Variants in IGF2BP2 observed in about 807,000 individuals in gnomAD.
IGF2BP2 encodes the protein insulin like growth factor 2 mRNA binding protein 2.
IGF2BP2 carries 17 observed loss-of-function variants against 75.8 expected under a neutral mutation model. That is an observed-to-expected ratio of 0.22 (90% CI 0.15 to 0.34). The LOEUF (loss-of-function observed/expected upper bound fraction) is 0.34. Among genes scored for constraint, IGF2BP2 ranks in the 10% least tolerant of loss-of-function variants. The pLI, the probability that IGF2BP2 is intolerant of heterozygous loss-of-function variation, is 1.00. For synonymous variants in IGF2BP2, 288 were observed against 295.6 expected (o/e 0.97, Z 0.26); for missense variants, 516 against 772.4 (o/e 0.67, Z 3.93).
intron 2 of IGF2BP2, among the ~76,000 whole-genome samples, chr3:185,752,097 T>C (rs188150234): frequency 2.0e-5 from 3 of 152,352 alleles, no homozygotes; most frequent in East Asian, 1.9e-4. Context: ...AGTCTTTATA[T>C]ATTCTTCTAC....
rs1351624304 is a variant in IGF2BP2 at position 185,675,791 on chromosome 3, G to A, written c.935C>T (p.Ser312Phe). The change falls in exon 8 of 16, where the codon TCT becomes TTT. Residue 312 changes from serine to phenylalanine, a missense_variant and splice_region_variant. Coordinates refer to ENST00000382199, the MANE Select transcript of IGF2BP2 (RefSeq NM_006548.6). ...HETGTKITIS[S>F]LQDLSIYNPE... ...TGAGTAATCTGAGTAAGTGGCTTACGATGAGATTGTTATCTTGGTCCCTGT... is the reference window on the plus strand; with the variant it reads ...TGAGTAATCTGAGTAAGTGGCTTACAATGAGATTGTTATCTTGGTCCCTGT... The A allele has an allele frequency of 5.0e-6, 8 of 1,612,148 alleles. No homozygotes were observed. The highest frequency in any genetic ancestry group is 1.1e-5 in the South Asian group (1 of 90,900).
intron 2 of IGF2BP2, among the ~76,000 whole-genome samples, chr3:185,785,126 C>T (rs1023069029): frequency 6.6e-6 from 1 of 151,890 alleles, no homozygotes; most frequent in Non-Finnish European, 1.5e-5. Context: ...CATGGAGACA[C>T]CCAGCCTCTA....
intron 5 of IGF2BP2, 67 bp from the exon 6 acceptor site, chr3:185,689,694 C>T (rs1160360888): frequency 1.9e-6 from 3 of 1,594,298 alleles, no homozygotes; most frequent in South Asian, 1.1e-5. Flanking sequence ...CCCGGCCGGG[C>T]GCGGTGGCTC....
chr3:185,689,694 C>A, intron 5 of IGF2BP2, 67 bp from the exon 6 acceptor site: 1 of 1,594,298 alleles, frequency 6.3e-7, no homozygotes, highest in African/African-American at 1.3e-5. Context: ...CCCGGCCGGG[C>A]GCGGTGGCTC....
At chr3:185,732,346 A>G (rs908379128) in intron 2 of IGF2BP2, among the ~76,000 whole-genome samples, 1 of 152,178 alleles carries the variant, frequency 6.6e-6, no homozygotes, top group African/African-American at 2.4e-5. Flanking sequence ...GCACCAACCA[A>G]TCTTTCAGCA....
chr3:185,719,780 G>A (rs934713097), intron 2 of IGF2BP2, among the ~76,000 whole-genome samples: 3 of 152,130 alleles, frequency 2.0e-5, no homozygotes, highest in Non-Finnish European at 4.4e-5. Context: ...GTTGCAGTGA[G>A]CCGAGATCAC....
intron 2 of IGF2BP2, chr3:185,729,775 T>A (rs1727887763): frequency 6.6e-6 from 1 of 152,248 alleles, no homozygotes; most frequent in Non-Finnish European, 1.5e-5. Flanking sequence ...ATTAAAATAC[T>A]CTTTGCCAAT....
intron 2 of IGF2BP2, among the ~76,000 whole-genome samples, chr3:185,800,720 AAG>A (rs1343452873): frequency 9.8e-5 from 14 of 142,696 alleles, no homozygotes; most frequent in South Asian, 2.3e-4. Context: ...GCCAAAAAAA[AAG>A]AAAGAAAGAA....
intron 2 of IGF2BP2, among the ~76,000 whole-genome samples, chr3:185,708,299 A>G (rs1321580418): frequency 6.6e-6 from 1 of 152,188 alleles, no homozygotes; most frequent in Non-Finnish European, 1.5e-5. Flanking sequence ...TTTTAGTTCA[A>G]TGAATTTTGG....
chr3:185,789,032 C>G (rs1334505015), intron 2 of IGF2BP2, among the ~76,000 whole-genome samples: 1 of 152,024 alleles, frequency 6.6e-6, no homozygotes, highest in African/African-American at 2.4e-5. Context: ...TTTTTTGAGA[C>G]AGGGTCTCAC....
chr3:185,814,752 A>G (rs918468625), intron 2 of IGF2BP2, among the ~76,000 whole-genome samples: 9 of 152,172 alleles, frequency 5.9e-5, no homozygotes, highest in African/African-American at 2.2e-4. Flanking sequence ...CTTAAGTCCT[A>G]TGTTACTAAA....
chr3:185,756,115 G>A (rs1731583177), intron 2 of IGF2BP2, among the ~76,000 whole-genome samples: 1 of 152,134 alleles, frequency 6.6e-6, no homozygotes, highest in African/African-American at 2.4e-5. Flanking sequence ...ATGGCTTAGT[G>A]CCATACCCTT....
intron 15 of IGF2BP2, among the ~76,000 whole-genome samples, chr3:185,646,329 C>G (rs1262884338): frequency 6.6e-6 from 1 of 152,214 alleles, no homozygotes; most frequent in East Asian, 1.9e-4. Flanking sequence ...CCTGGACCAT[C>G]AGGTCTCAGC....
chr3:185,649,326 G>A (rs1714157404), intron 14 of IGF2BP2, 77 bp downstream of exon 14: 2 of 1,565,428 alleles, frequency 1.3e-6, no homozygotes, highest in Non-Finnish European at 8.7e-7. Flanking sequence ...GGCGCCAAGG[G>A]GAGACTGAGG....
At chr3:185,780,795 C>T (rs1735112029) in intron 2 of IGF2BP2, among the ~76,000 whole-genome samples, 6 of 152,176 alleles carry the variant, frequency 3.9e-5, no homozygotes, top group Admixed American at 2.6e-4. Flanking sequence ...GTGCACAGAG[C>T]ACATATCGTC....
chr3:185,698,425 C>A (rs549928695), intron 2 of IGF2BP2, 78 bp from the exon 3 acceptor site: 2 of 1,345,046 alleles, frequency 1.5e-6, no homozygotes, highest in East Asian at 4.6e-5. Context: ...CGGCTTAAAC[C>A]CGTCATTTGA....
At chr3:185,798,255 T>A (rs1412421091) in intron 2 of IGF2BP2, among the ~76,000 whole-genome samples, 1 of 152,058 alleles carries the variant, frequency 6.6e-6, no homozygotes, top group Non-Finnish European at 1.5e-5. Flanking sequence ...CCACCTCCAA[T>A]AATGACAGAC....
At chr3:185,725,477 G>A (rs1277418724) in intron 2 of IGF2BP2, among the ~76,000 whole-genome samples, 1 of 152,054 alleles carries the variant, frequency 6.6e-6, no homozygotes, top group Non-Finnish European at 1.5e-5. Context: ...GTGGGGGGTC[G>A]ACAAAAAGAA....
At chr3:185,651,747 C>T (rs1577808458) in intron 13 of IGF2BP2, among the ~76,000 whole-genome samples, 1 of 152,202 alleles carries the variant, frequency 6.6e-6, no homozygotes, top group Non-Finnish European at 1.5e-5. Context: ...TCCCCTTACA[C>T]CTGTGTTAGT....
Sources: allele counts gnomAD v4.1 joint callset (sites outside exome capture counted in the v4.1 genomes callset), GRCh38; gene constraint gnomAD v4.1.1; transcripts MANE v1.5; gene names NCBI Gene and HGNC (gene_info 2026-07-23, HGNC 2026-07-21).